Variants in LINGO2 observed in about 807,000 individuals in gnomAD.
The protein encoded by LINGO2 is leucine rich repeat and Ig domain containing 2, also known as leucine-rich repeat and immunoglobulin-like domain-containing nogo receptor-interacting protein 2.
In LINGO2, 14 loss-of-function variants were observed where a neutral mutation model predicts 30.6. The ratio of observed to expected loss-of-function variants is 0.46; its 90% CI spans 0.30 to 0.72. LINGO2 has a LOEUF of 0.72. LINGO2 is among the 30% of genes least tolerant of loss of function. The pLI, the probability that LINGO2 is intolerant of heterozygous loss-of-function variation, is 0.07. For synonymous variants in LINGO2, 317 were observed against 288.5 expected, an observed-to-expected ratio of 1.10 and a Z score of -1.00; for missense variants, 729 against 751.7, an observed-to-expected ratio of 0.97 and a Z score of 0.35.
At chr9:28,294,194 G>A (rs1320804258) in intron 4 of LINGO2, among the ~76,000 whole-genome samples, 1 of 152,092 alleles carries the variant, frequency 6.6e-6, no homozygotes, top group Non-Finnish European at 1.5e-5. Context: ...CACTTCAGAA[G>A]TCTTTATTTA....
chr9:28,331,329 A>T (rs1030261816), intron 3 of LINGO2, among the ~76,000 whole-genome samples: 28 of 152,230 alleles, frequency 1.8e-4, no homozygotes, highest in Admixed American at 7.2e-4. Flanking sequence ...AAAAACTTAA[A>T]TCTCCATAAC....
chr9:28,828,502 C>G, the LINGO2 span, among the ~76,000 whole-genome samples: 38 of 151,920 alleles, frequency 2.5e-4, no homozygotes, highest in African/African-American at 8.4e-4. Flanking sequence ...GTTACAGTCA[C>G]AAATCCTCCT....
chr9:28,330,531 C>T (rs1236693922), intron 3 of LINGO2, among the ~76,000 whole-genome samples: 1 of 151,940 alleles, frequency 6.6e-6, no homozygotes, highest in Non-Finnish European at 1.5e-5. Flanking sequence ...ATCCCTAGAC[C>T]CTAAGGGCTG....
chr9:28,936,743 C>CATT, the LINGO2 span, among the ~76,000 whole-genome samples: 8 of 152,064 alleles, frequency 5.3e-5, no homozygotes, highest in Non-Finnish European at 8.8e-5. Flanking sequence ...ATATTATTGC[C>CATT]ATTATTATTA....
intron 5 of LINGO2, among the ~76,000 whole-genome samples, chr9:27,991,158 T>C (rs1177004421): frequency 6.6e-6 from 1 of 152,070 alleles, no homozygotes; most frequent in Non-Finnish European, 1.5e-5. Flanking sequence ...GCTCTGTTTT[T>C]CTTTCTCAAA....
chr9:28,396,795 G>T (rs1258569164), intron 2 of LINGO2, among the ~76,000 whole-genome samples: 1 of 151,084 alleles, frequency 6.6e-6, no homozygotes, highest in Non-Finnish European at 1.5e-5. Context: ...ATCAACAAGT[G>T]CTCTGAGAGA....
chr9:28,140,450 A>G (rs1827641317), intron 4 of LINGO2, among the ~76,000 whole-genome samples: 1 of 152,114 alleles, frequency 6.6e-6, no homozygotes, highest in South Asian at 2.1e-4. Flanking sequence ...ACTTCTTATC[A>G]CTTATTTCTT....
chr9:28,601,918 G>C (rs1327346753), intron 1 of LINGO2, among the ~76,000 whole-genome samples: 2 of 152,072 alleles, frequency 1.3e-5, no homozygotes, highest in Non-Finnish European at 2.9e-5. Context: ...ACAGCTGGAA[G>C]TGTGAGAAGA....
chr9:28,221,730 C>G (rs1820973981), intron 4 of LINGO2, among the ~76,000 whole-genome samples: 1 of 152,154 alleles, frequency 6.6e-6, no homozygotes, highest in East Asian at 1.9e-4. Context: ...AAGAAATGCT[C>G]TGAGTAGATC....
At chr9:28,990,239 G>A in the LINGO2 span, among the ~76,000 whole-genome samples, 2 of 152,236 alleles carry the variant, frequency 1.3e-5, no homozygotes, top group Non-Finnish European at 2.9e-5. Flanking sequence ...CGCCCACGGA[G>A]TCTCGCTGAC....
chr9:28,511,923 T>A (rs554053140), intron 1 of LINGO2, among the ~76,000 whole-genome samples: 4 of 152,250 alleles, frequency 2.6e-5, no homozygotes, highest in African/African-American at 9.6e-5. Flanking sequence ...GGGTGGTTCC[T>A]GCATATCATG....
At chr9:28,878,238 A>G in the LINGO2 span, among the ~76,000 whole-genome samples, 1 of 152,184 alleles carries the variant, frequency 6.6e-6, no homozygotes, top group Non-Finnish European at 1.5e-5. Context: ...GAAAATCTAG[A>G]AGAAATGGAT....
the LINGO2 span, among the ~76,000 whole-genome samples, chr9:29,006,001 C>A: frequency 6.6e-6 from 1 of 151,732 alleles, no homozygotes; most frequent in East Asian, 1.9e-4. Context: ...TGAATTTAAT[C>A]TAATCTCTGT....
intron 1 of LINGO2, among the ~76,000 whole-genome samples, chr9:28,525,259 T>C (rs1171658188): frequency 6.6e-6 from 1 of 152,198 alleles, no homozygotes; most frequent in East Asian, 1.9e-4. Context: ...AATAGAAATG[T>C]ACCATGGTTC....
chr9:29,058,199 TAAAGAAAC>T, the LINGO2 span, among the ~76,000 whole-genome samples: 1 of 151,936 alleles, frequency 6.6e-6, no homozygotes, highest in Non-Finnish European at 1.5e-5. Flanking sequence ...CCTAAATATG[TAAAGAAAC>T]ACAGAAACAA....
At chr9:28,994,932 A>G in the LINGO2 span, among the ~76,000 whole-genome samples, 1 of 152,148 alleles carries the variant, frequency 6.6e-6, no homozygotes, top group Non-Finnish European at 1.5e-5. Flanking sequence ...GAAAACCTAG[A>G]CAGTACCATT....
the LINGO2 span, among the ~76,000 whole-genome samples, chr9:28,952,386 T>C: frequency 6.6e-6 from 1 of 152,300 alleles, no homozygotes; most frequent in East Asian, 1.9e-4. Flanking sequence ...AATGACACTG[T>C]GATATACAGC....
At chr9:28,504,349 A>G (rs1820013334) in intron 1 of LINGO2, among the ~76,000 whole-genome samples, 1 of 151,918 alleles carries the variant, frequency 6.6e-6, no homozygotes, top group Admixed American at 6.6e-5. Context: ...TATTAAAAAT[A>G]TAGTAACATA....
At chr9:28,324,882 A>G (rs1164669158) in intron 3 of LINGO2, among the ~76,000 whole-genome samples, 3 of 152,130 alleles carry the variant, frequency 2.0e-5, no homozygotes, top group Non-Finnish European at 4.4e-5. Flanking sequence ...CTTCTCCGAT[A>G]ATATTGATTT....
Sources: allele counts gnomAD v4.1 joint callset (sites outside exome capture counted in the v4.1 genomes callset), GRCh38; gene constraint gnomAD v4.1.1; transcripts MANE v1.5; gene names NCBI Gene and HGNC (gene_info 2026-07-23, HGNC 2026-07-21).